The following USP31 variants were observed in gnomAD, a reference collection of about 807,000 sequenced individuals.
USP31 encodes the protein ubiquitin specific peptidase 31, also known as ubiquitin carboxyl-terminal hydrolase 31.
USP31 carries 44 observed loss-of-function variants against 119.4 expected under a neutral mutation model. That is an observed-to-expected ratio of 0.37 (90% CI 0.29 to 0.47). The LOEUF (loss-of-function observed/expected upper bound fraction) is 0.47. Ranked by LOEUF, USP31 falls within the 20% of genes least tolerant of loss-of-function variation. The pLI, the probability that USP31 is intolerant of heterozygous loss-of-function variation, is 0.99. For missense variants in USP31, 1,643 were observed against 1,730.2 expected (o/e 0.95, Z 0.89); for synonymous variants, 749 against 705.6 (o/e 1.06, Z -0.97).
chr16:23,115,809 G>T, intron 1 of USP31: 5 of 979,852 alleles, frequency 5.1e-6, no homozygotes, highest in Non-Finnish European at 6.0e-6. Context: ...TTCAAAGAGA[G>T]AATGTTTTTA....
At chr16:23,100,602 A>C (rs1027289147) in intron 6 of USP31, among the ~76,000 whole-genome samples, 5 of 151,880 alleles carry the variant, frequency 3.3e-5, no homozygotes, top group Non-Finnish European at 5.9e-5. Flanking sequence ...GTGAAACCCT[A>C]TCTCTACTAA....
At chr16:23,133,343 G>A (rs944606814) in intron 1 of USP31, among the ~76,000 whole-genome samples, 4 of 152,112 alleles carry the variant, frequency 2.6e-5, no homozygotes, top group Non-Finnish European at 5.9e-5. Context: ...AGCTGTCTTT[G>A]GTTGTGCCAC....
chr16:23,073,492 G>A (rs1020771676), intron 14 of USP31, among the ~76,000 whole-genome samples: 2 of 152,042 alleles, frequency 1.3e-5, no homozygotes, highest in African/African-American at 4.8e-5. Flanking sequence ...CTTTCTTTGC[G>A]CCAGGTCCAA....
At chr16:23,114,460 A>G (rs1902426968) in intron 1 of USP31, among the ~76,000 whole-genome samples, 1 of 151,940 alleles carries the variant, frequency 6.6e-6, no homozygotes, top group Admixed American at 6.5e-5. Context: ...AGGAAAAAAA[A>G]AAAAAAAAAG....
At chr16:23,118,432 C>T (rs1266002031) in intron 1 of USP31, among the ~76,000 whole-genome samples, 1 of 151,992 alleles carries the variant, frequency 6.6e-6, no homozygotes, top group African/African-American at 2.4e-5. Flanking sequence ...TGGCAGCAGC[C>T]CACTGCTAAT....
chr16:23,073,983 G>A (rs760065104), intron 13 of USP31, 103 bp from the exon 14 acceptor site: 103 of 1,503,390 alleles, frequency 6.9e-5, no homozygotes, highest in Non-Finnish European at 8.7e-5. Context: ...ACTCAAGAAC[G>A]TTTTAAGGCT....
chr16:23,113,336 CAT>C (rs1039101943), intron 1 of USP31, among the ~76,000 whole-genome samples: 1 of 152,170 alleles, frequency 6.6e-6, no homozygotes, highest in Admixed American at 6.5e-5. Flanking sequence ...ACACCTATCA[CAT>C]GAGACAGAAC....
chr16:23,099,347 A>G (rs1421377736), intron 6 of USP31, among the ~76,000 whole-genome samples: 1 of 152,216 alleles, frequency 6.6e-6, no homozygotes, highest in African/African-American at 2.4e-5. Context: ...GTGGAGAAAT[A>G]GGAATGCTTT....
At chr16:23,079,843 C>G in intron 13 of USP31, 103 bp downstream of exon 13, 1 of 1,115,468 alleles carries the variant, frequency 9.0e-7, no homozygotes, top group Non-Finnish European at 1.2e-6. Flanking sequence ...GGCACACTGC[C>G]TACCGGAGGG....
chr16:23,119,014 A>T (rs1216388388), intron 1 of USP31, among the ~76,000 whole-genome samples: 1 of 152,110 alleles, frequency 6.6e-6, no homozygotes, highest in Non-Finnish European at 1.5e-5. Flanking sequence ...ACCCTTAGGA[A>T]ATTCCCTATG....
chr16:23,140,979 A>G (rs1903336697), intron 1 of USP31, among the ~76,000 whole-genome samples: 1 of 152,188 alleles, frequency 6.6e-6, no homozygotes, highest in Non-Finnish European at 1.5e-5. Flanking sequence ...TACCCAGTCC[A>G]TCACAAAAGC....
chr16:23,135,765 T>C (rs928647537), intron 1 of USP31, among the ~76,000 whole-genome samples: 3 of 152,072 alleles, frequency 2.0e-5, no homozygotes, highest in Non-Finnish European at 2.9e-5. Flanking sequence ...CCCAAATCAA[T>C]CTACATATTC....
chr16:23,090,508 C>T, intron 7 of USP31, 116 bp downstream of exon 7: 1 of 1,085,210 alleles, frequency 9.2e-7, no homozygotes, highest in South Asian at 2.5e-5. Flanking sequence ...TTCTAAATAT[C>T]AGAATCAAAA....
intron 1 of USP31, among the ~76,000 whole-genome samples, chr16:23,130,795 T>C (rs1903006796): frequency 6.6e-6 from 1 of 152,186 alleles, no homozygotes; most frequent in South Asian, 2.1e-4. Context: ...TCTTTGAAGG[T>C]AGCATAAAAA....
At position 23,078,237 on chromosome 16, in the gene USP31, G is replaced by A. The variant is rs1227756140; in HGVS notation, c.2176+1709C>T. ...TGAGGCAGGAGAATTGCTTGAACCC[G>A]GGAGGCGGAGGTTACAGTGAGCCTA... On this transcript the variant is annotated intron_variant, in intron 13 of 15. Coordinates refer to ENST00000219689, the MANE Select transcript of USP31 (RefSeq NM_020718.4). Among the ~76,000 whole-genome samples, 11 of 150,644 alleles carry A rather than the reference G, an allele frequency of 7.3e-5. No individual in the cohort carries two copies. The South Asian group carries it at 8.4e-4, about 12-fold the overall frequency.
intron 7 of USP31, among the ~76,000 whole-genome samples, chr16:23,090,248 T>C (rs913248002): frequency 1.2e-4 from 18 of 152,024 alleles, no homozygotes; most frequent in Admixed American, 9.8e-4. Flanking sequence ...CCGCTGGGTG[T>C]GGTGGCTGGC....
chr16:23,068,315 TACAG>T lies in USP31; in HGVS notation c.3786_3789del (p.Cys1263ArgfsTer53). ...TCTGCCTCGTCGTCCCCGGTGTTCT[TACAG>T]ACAGACTTAACAGAGCTCCCACCAG... On this transcript the variant is annotated frameshift_variant, in exon 16 of 16. Coordinates refer to ENST00000219689, the MANE Select transcript of USP31 (RefSeq NM_020718.4). LOFTEE classifies it high-confidence loss of function. 2.5e-6 allele frequency: 4 copies of T among 1,614,104 alleles called. No individual in the cohort carries two copies. Among genetic ancestry groups the T allele is most frequent in the African/African-American group, 1.3e-5 (1 of 75,054 alleles).
rs1318933648 is a variant in USP31, at chr16:23,110,593, C to T, written c.634-2410G>A. 2.0e-5 allele frequency among the ~76,000 whole-genome samples: 3 copies of T among 152,126 alleles called. No individual in the cohort carries two copies. The East Asian group carries it at 5.8e-4, about 29-fold the overall frequency. On this transcript the variant is annotated intron_variant, in intron 1 of 15. Transcript: ENST00000219689. Reference sequence around the variant, plus strand: ...GATTTTAAAGGCCAGTCAAACATGGCACAGGGAGCCGTAAATGAACTGGTA... The same window carrying T: ...GATTTTAAAGGCCAGTCAAACATGGTACAGGGAGCCGTAAATGAACTGGTA...
At chr16:23,123,692 A>G (rs1317425699) in intron 1 of USP31, among the ~76,000 whole-genome samples, 1 of 152,238 alleles carries the variant, frequency 6.6e-6, no homozygotes, top group Non-Finnish European at 1.5e-5. Context: ...TTACTTAACT[A>G]AAAAGCAGAT....
Sources: gnomAD v4.1 joint callset for allele counts (sites outside exome capture counted in the v4.1 genomes callset) on GRCh38, gnomAD v4.1.1 for gene constraint, MANE v1.5 for transcripts, NCBI Gene and HGNC (gene_info 2026-07-23, HGNC 2026-07-21) for gene names.